TNFRSF19: variants seen among roughly 807,000 people sequenced by gnomAD.
TNFRSF19 encodes tumor necrosis factor receptor superfamily member 19.
TNFRSF19 carries 27 observed loss-of-function variants against 46.4 expected under a neutral mutation model. The observed-to-expected ratio is 0.58, with a 90% CI of 0.43 to 0.80. The LOEUF (loss-of-function observed/expected upper bound fraction) is 0.80, where lower values mean the gene tolerates loss of function less well. TNFRSF19 is among the 30% of genes least tolerant of loss of function. TNFRSF19 has a pLI of 0.00. For missense variants in TNFRSF19, 511 were observed against 530.8 expected (o/e 0.96, Z 0.37); for synonymous variants, 204 against 205.0 (o/e 1.00, Z 0.04).
chr13:23,597,085 C>T (rs1229741215), intron 3 of TNFRSF19, among the ~76,000 whole-genome samples: 2 of 152,164 alleles, frequency 1.3e-5, no homozygotes, highest in Non-Finnish European at 2.9e-5. Context: ...CTCTGGGATA[C>T]AGCTAAAGTA....
At chr13:23,640,840 T>G (rs889829932) in intron 5 of TNFRSF19, among the ~76,000 whole-genome samples, 2 of 152,196 alleles carry the variant, frequency 1.3e-5, no homozygotes, top group Admixed American at 6.5e-5. Flanking sequence ...AATACAGGTT[T>G]CTTCTCTGCC....
At chr13:23,618,797 T>C (rs1240077057) in intron 4 of TNFRSF19, among the ~76,000 whole-genome samples, 1 of 152,190 alleles carries the variant, frequency 6.6e-6, no homozygotes, top group Non-Finnish European at 1.5e-5. Context: ...AAAATTCAGT[T>C]GTTGCCAGTG....
intron 1 of TNFRSF19, among the ~76,000 whole-genome samples, chr13:23,589,011 C>T (rs1879056920): frequency 1.3e-5 from 2 of 152,240 alleles, no homozygotes; most frequent in South Asian, 2.1e-4. Flanking sequence ...GGCAGCTCTG[C>T]CCCCTCTGCC....
At chr13:23,666,592 A>G (rs9510801) in intron 7 of TNFRSF19, among the ~76,000 whole-genome samples, 34,819 of 152,062 alleles carry the variant, frequency 0.23, 4,760 homozygotes, top group Non-Finnish European at 0.31. Flanking sequence ...GCACTTTCTT[A>G]CTTTCTGCCA....
intron 5 of TNFRSF19, among the ~76,000 whole-genome samples, chr13:23,655,852 T>A (rs1883955482): frequency 6.6e-6 from 1 of 152,100 alleles, no homozygotes; most frequent in African/African-American, 2.4e-5. Context: ...CTAAAAAGAA[T>A]TAGTTTCTAG....
At chr13:23,595,205 C>T (rs1879629938) in intron 3 of TNFRSF19, among the ~76,000 whole-genome samples, 1 of 152,162 alleles carries the variant, frequency 6.6e-6, no homozygotes, top group African/African-American at 2.4e-5. Context: ...CTCTTCTCCT[C>T]CAAAGGATCA....
intron 3 of TNFRSF19, among the ~76,000 whole-genome samples, chr13:23,602,605 A>T (rs9550991): frequency 0.34 from 51,319 of 151,882 alleles, 9,064 homozygotes; most frequent in East Asian, 0.54. Context: ...TAGACCACAT[A>T]TGGGGCCATA....
chr13:23,573,300 A>G (rs1480584762), intron 1 of TNFRSF19, among the ~76,000 whole-genome samples: 1 of 152,140 alleles, frequency 6.6e-6, no homozygotes, highest in Non-Finnish European at 1.5e-5. Flanking sequence ...CATGATAGAT[A>G]TGTCAGTCAG....
At chr13:23,601,126 C>A (rs1880127562) in intron 3 of TNFRSF19, among the ~76,000 whole-genome samples, 1 of 152,028 alleles carries the variant, frequency 6.6e-6, no homozygotes, top group African/African-American at 2.4e-5. Flanking sequence ...ATGCCAGACA[C>A]CAAACTGCAG....
intron 4 of TNFRSF19, among the ~76,000 whole-genome samples, chr13:23,618,338 G>T (rs1039884762): frequency 6.6e-6 from 1 of 151,994 alleles, no homozygotes; most frequent in Non-Finnish European, 1.5e-5. Context: ...ATACAATGAA[G>T]GATTTGAATA....
intron 7 of TNFRSF19, among the ~76,000 whole-genome samples, chr13:23,666,786 T>C (rs973549084): frequency 6.6e-6 from 1 of 152,210 alleles, no homozygotes; most frequent in Non-Finnish European, 1.5e-5. Context: ...TTAGATGGTC[T>C]GGACGGAGGC....
At chr13:23,651,017 A>G (rs983906133) in intron 5 of TNFRSF19, among the ~76,000 whole-genome samples, 5 of 152,210 alleles carry the variant, frequency 3.3e-5, no homozygotes, top group Non-Finnish European at 5.9e-5. Context: ...TGAGTGTTAC[A>G]TAGATATTTT....
intron 7 of TNFRSF19, among the ~76,000 whole-genome samples, chr13:23,662,411 C>A (rs1884429117): frequency 6.6e-6 from 1 of 152,180 alleles, no homozygotes; most frequent in Non-Finnish European, 1.5e-5. Context: ...TAGTACCATG[C>A]TGTTTTGGTT....
intron 1 of TNFRSF19, among the ~76,000 whole-genome samples, chr13:23,584,325 G>A (rs2138158985): frequency 6.6e-6 from 1 of 152,152 alleles, no homozygotes; most frequent in African/African-American, 2.4e-5. Context: ...AACATACAAT[G>A]TTTGGTTTTC....
intron 1 of TNFRSF19, among the ~76,000 whole-genome samples, chr13:23,576,885 G>A (rs1287473663): frequency 6.6e-6 from 1 of 152,114 alleles, no homozygotes; most frequent in African/African-American, 2.4e-5. Context: ...TCTCTTTAAA[G>A]AATTAGATGA....
intron 3 of TNFRSF19, 147 bp from the exon 4 acceptor site, chr13:23,615,720 T>C: frequency 1.5e-6 from 1 of 679,728 alleles, no homozygotes; most frequent in Non-Finnish European, 2.3e-6. Flanking sequence ...GGAAGACACA[T>C]TTGAACTTGC....
At chr13:23,627,448 C>G in intron 5 of TNFRSF19, among the ~76,000 whole-genome samples, 1 of 152,016 alleles carries the variant, frequency 6.6e-6, no homozygotes, top group East Asian at 1.9e-4. Flanking sequence ...TTCAAGTTAT[C>G]AACCAGCATC....
Position 23,581,537 on chromosome 13 carries a change from CT to C in TNFRSF19, c.-34-8603del, listed in dbSNP as rs558682656. Among the ~76,000 whole-genome samples, 96 of 149,162 alleles carry C rather than the reference CT, an allele frequency of 6.4e-4. 1 individual carries two copies. The highest frequency in any genetic ancestry group is 2.0e-3 in the African/African-American group (81 of 40,782). On this transcript the variant is annotated intron_variant, in intron 1 of 9. Transcript: ENST00000248484. ...AAAGAGATTTTTTAAAGGGACAGAACTTTTTTTTTTAACTTCAGATGATAAT... is the reference window on the plus strand; with the variant it reads ...AAAGAGATTTTTTAAAGGGACAGAACTTTTTTTTTAACTTCAGATGATAAT...
intron 5 of TNFRSF19, among the ~76,000 whole-genome samples, chr13:23,633,049 CTTA>C (rs1882450124): frequency 6.6e-6 from 1 of 150,642 alleles, no homozygotes; most frequent in Admixed American, 6.6e-5. Context: ...AATTACAGTT[CTTA>C]TTATTATTCT....
Sources: gnomAD v4.1 joint callset for allele counts (sites outside exome capture counted in the v4.1 genomes callset) on GRCh38, gnomAD v4.1.1 for gene constraint, MANE v1.5 for transcripts, NCBI Gene and HGNC (gene_info 2026-07-23, HGNC 2026-07-21) for gene names.